The following DEUP1 variants were observed in gnomAD, a reference collection of about 807,000 sequenced individuals.
DEUP1 encodes coiled-coil domain containing 67.
Under a neutral mutation model 87.4 loss-of-function variants are expected in DEUP1, and 82 were observed. The observed-to-expected ratio is 0.94, with a 90% CI of 0.78 to 1.13. DEUP1 has a LOEUF of 1.13. Ranked by LOEUF, DEUP1 falls within the 50% of genes most tolerant of loss-of-function variation. The pLI is 0.00. For synonymous variants in DEUP1, 214 were observed against 222.7 expected (o/e 0.96, Z 0.35); for missense variants, 663 against 681.5 (o/e 0.97, Z 0.30).
chr11:93,376,454 A>T (rs1237343179), intron 7 of DEUP1, among the ~76,000 whole-genome samples: 1 of 152,208 alleles, frequency 6.6e-6, no homozygotes, highest in Non-Finnish European at 1.5e-5. Context: ...TTTCAGTAGT[A>T]TCGGTTTGAA....
intron 4 of DEUP1, among the ~76,000 whole-genome samples, chr11:93,360,733 C>G (rs1272135104): frequency 6.6e-6 from 1 of 151,692 alleles, no homozygotes; most frequent in Non-Finnish European, 1.5e-5. Flanking sequence ...TAGAAATTAT[C>G]CAATCTGAAC....
At chr11:93,414,408 G>T (rs567401067) in intron 12 of DEUP1, among the ~76,000 whole-genome samples, 1 of 152,194 alleles carries the variant, frequency 6.6e-6, no homozygotes, top group Non-Finnish European at 1.5e-5. Context: ...AGCTACTCAG[G>T]AGACAGGAGA....
chr11:93,383,148 A>G lies in DEUP1; in HGVS notation c.790-2250A>G, dbSNP rs58480166. On this transcript the variant is annotated intron_variant, in intron 7 of 13. Coordinates refer to ENST00000298050, the MANE Select transcript of DEUP1 (RefSeq NM_181645.4). ...AATAAATAAGAAAGCATATGTCCAC[A>G]TAAGAGCTTATACATTAATTTTCAT... is the stretch of plus-strand genomic sequence containing the variant. 7.6e-3 allele frequency among the ~76,000 whole-genome samples: 1,161 copies of G among 152,368 alleles called. 15 individuals carry two copies. The highest frequency in any genetic ancestry group is 0.027 in the African/African-American group (1,120 of 41,590).
chr11:93,389,291 C>T (rs1946695330), intron 9 of DEUP1, among the ~76,000 whole-genome samples, 166 bp downstream of exon 9: 1 of 152,102 alleles, frequency 6.6e-6, no homozygotes, highest in African/African-American at 2.4e-5. Flanking sequence ...CTGTGTGAGA[C>T]TACAAAAAAC....
chr11:93,370,692 GTTTGTT>G (rs1310306194), intron 6 of DEUP1, among the ~76,000 whole-genome samples: 1 of 152,030 alleles, frequency 6.6e-6, no homozygotes, highest in East Asian at 1.9e-4. Flanking sequence ...CAATCAAATT[GTTTGTT>G]TTTATTTATT....
intron 13 of DEUP1, among the ~76,000 whole-genome samples, chr11:93,416,801 T>C (rs1398348172): frequency 6.6e-6 from 1 of 151,328 alleles, no homozygotes; most frequent in Non-Finnish European, 1.5e-5. Context: ...GCAAACCAAA[T>C]CCAGCAGCAC....
In DEUP1 at chr11:93,437,680, T is replaced by C. The variant is rs765165168; in HGVS notation, c.1776T>C (p.Leu592=). 2.7e-5 allele frequency: 43 copies of C among 1,607,590 alleles called. No individual in the cohort carries two copies. The highest frequency in any genetic ancestry group is 1.6e-4 in the Middle Eastern group (1 of 6,068). Reference sequence around the variant, plus strand: ...TGCAAAGACACACAGAATTTACTCTTAATAAATACTCCAAGCTAAAACAAA... The same window carrying C: ...TGCAAAGACACACAGAATTTACTCTCAATAAATACTCCAAGCTAAAACAAA... ...DELQRHTEFT[L]NKYSKLKQNR... Residue 592 remains leucine, a synonymous_variant, in exon 14 of 14, where the codon CTT becomes CTC. Coordinates refer to ENST00000298050, the MANE Select transcript of DEUP1 (RefSeq NM_181645.4).
In DEUP1 at chr11:93,364,309, C is replaced by T. The variant is rs1262266693; in HGVS notation, c.432+15C>T. ...AGAAATTAGAGGTGAGATATATTAT[C>T]TTAGTTTCTTCATGTGTATTAAAGA... On this transcript the variant is annotated intron_variant, in intron 5 of 13. Transcript: ENST00000298050. 6.2e-7 allele frequency: 1 copy of T among 1,600,464 alleles called. No homozygotes were observed.
At chr11:93,386,795 G>A (rs886674633) in intron 8 of DEUP1, among the ~76,000 whole-genome samples, 1 of 152,140 alleles carries the variant, frequency 6.6e-6, no homozygotes, top group African/African-American at 2.4e-5. Flanking sequence ...ATTACATGTA[G>A]TGCTGTTCCA....
intron 2 of DEUP1, among the ~76,000 whole-genome samples, chr11:93,350,550 G>C (rs1254851317): frequency 6.6e-6 from 1 of 152,192 alleles, no homozygotes; most frequent in Admixed American, 6.5e-5. Flanking sequence ...ACTTTGGCAT[G>C]CTTCAGAATC....
intron 2 of DEUP1, among the ~76,000 whole-genome samples, chr11:93,345,361 T>C (rs913627904): frequency 6.6e-6 from 1 of 152,226 alleles, no homozygotes; most frequent in African/African-American, 2.4e-5. Context: ...TTGTATTCCT[T>C]TGGTATATAC....
At chr11:93,416,289 A>G (rs1476349566) in intron 13 of DEUP1, among the ~76,000 whole-genome samples, 2 of 152,182 alleles carry the variant, frequency 1.3e-5, no homozygotes, top group Non-Finnish European at 2.9e-5. Context: ...TGCTAACAAG[A>G]CTAATAAAGA....
At chr11:93,366,361 C>T (rs1275595942) in intron 5 of DEUP1, among the ~76,000 whole-genome samples, 2 of 152,114 alleles carry the variant, frequency 1.3e-5, no homozygotes, top group Non-Finnish European at 2.9e-5. Flanking sequence ...TATTAGAGGG[C>T]TTTTTAAAAC....
chr11:93,363,272 T>G (rs1035436495), intron 4 of DEUP1, among the ~76,000 whole-genome samples: 5 of 151,840 alleles, frequency 3.3e-5, no homozygotes, highest in African/African-American at 9.7e-5. Context: ...GAGATCTTTG[T>G]GGTGACAGAA....
intron 2 of DEUP1, among the ~76,000 whole-genome samples, chr11:93,342,964 TTG>T (rs775163115): frequency 2.2e-4 from 34 of 152,074 alleles, no homozygotes; most frequent in Non-Finnish European, 4.7e-4. Context: ...GGAGGCAGGT[TTG>T]TGGTGCAGGG....
intron 13 of DEUP1, among the ~76,000 whole-genome samples, chr11:93,416,593 C>T (rs9666918): frequency 0.46 from 69,484 of 151,014 alleles, 16,592 homozygotes; most frequent in Admixed American, 0.6. Context: ...CAAATTCTAC[C>T]AGAGGTACAA....
intron 11 of DEUP1, among the ~76,000 whole-genome samples, chr11:93,407,568 GATATAA>G (rs998226239): frequency 3.9e-5 from 6 of 151,980 alleles, no homozygotes; most frequent in African/African-American, 1.2e-4. Context: ...AGACTAGAAA[GATATAA>G]ATATAACTGT....
chr11:93,382,931 A>G (rs915188906), intron 7 of DEUP1, among the ~76,000 whole-genome samples: 2 of 152,180 alleles, frequency 1.3e-5, no homozygotes, highest in African/African-American at 4.8e-5. Flanking sequence ...GAATCTTTTT[A>G]TATTTATTTC....
intron 7 of DEUP1, among the ~76,000 whole-genome samples, chr11:93,382,718 C>A (rs970159412): frequency 3.9e-5 from 6 of 152,118 alleles, no homozygotes; most frequent in Non-Finnish European, 1.5e-5. Flanking sequence ...AACCAGGGAG[C>A]CCACATAGTG....
Sources: allele counts gnomAD v4.1 joint callset (sites outside exome capture counted in the v4.1 genomes callset), GRCh38; gene constraint gnomAD v4.1.1; transcripts MANE v1.5; gene names NCBI Gene and HGNC (gene_info 2026-07-23, HGNC 2026-07-21).